The following COL4A6 variants were observed in gnomAD, a reference collection of about 807,000 sequenced individuals.
COL4A6 encodes the protein collagen type IV alpha 6 chain, also known as collagen alpha-6(IV) chain.
In COL4A6, 59 loss-of-function variants were observed where a neutral mutation model predicts 126.7. That is an observed-to-expected ratio of 0.47 (90% CI 0.38 to 0.58). The LOEUF (loss-of-function observed/expected upper bound fraction) is 0.58, where lower values mean the gene tolerates loss of function less well. Among genes scored for constraint, COL4A6 ranks in the 20% least tolerant of loss-of-function variants. COL4A6 has a pLI of 0.00. For missense variants in COL4A6, 1,285 were observed against 1,337.3 expected, an observed-to-expected ratio of 0.96 and a Z score of 0.61; for synonymous variants, 547 against 496.6, an observed-to-expected ratio of 1.10 and a Z score of -1.35.
At chrX:108,310,654 A>G (rs2038739008) in intron 3 of COL4A6, 94 bp downstream of exon 3, 7 of 780,904 alleles carry the variant, frequency 9.0e-6, no homozygotes, top group Middle Eastern at 5.8e-4. Context: ...CCATGAGGTC[A>G]TAAGAGTAAA....
chrX:108,195,861 C>T (rs1434520367), intron 14 of COL4A6, among the ~76,000 whole-genome samples: 1 of 111,253 alleles, frequency 9.0e-6, no homozygotes, highest in African/African-American at 3.3e-5. Context: ...ATAAGTATGG[C>T]TGAATACTCA....
chrX:108,397,847 T>C (rs770219241), intron 2 of COL4A6, among the ~76,000 whole-genome samples: 26 of 111,842 alleles, frequency 2.3e-4, no homozygotes, highest in East Asian at 2.3e-3. Flanking sequence ...AGGAATTCCA[T>C]TGAAGTCTGG....
intron 3 of COL4A6, among the ~76,000 whole-genome samples, chrX:108,256,940 C>A (rs1202143334): frequency 9.0e-6 from 1 of 111,294 alleles, no homozygotes; most frequent in Non-Finnish European, 1.9e-5. Flanking sequence ...AGCATGGATA[C>A]ATCTAATAGC....
intron 2 of COL4A6, among the ~76,000 whole-genome samples, chrX:108,347,817 C>T (rs1026514047): frequency 3.6e-5 from 4 of 109,738 alleles, no homozygotes; most frequent in Non-Finnish European, 5.7e-5. Context: ...GATGGATGGC[C>T]CCAGGACACC....
chrX:108,289,192 C>A (rs2038091029), intron 3 of COL4A6, among the ~76,000 whole-genome samples: 1 of 109,797 alleles, frequency 9.1e-6, no homozygotes, highest in Non-Finnish European at 1.9e-5. Context: ...ACTACAGACT[C>A]TAAACCTGTA....
chrX:108,188,647 C>A lies in COL4A6; in HGVS notation c.1457G>T (p.Gly486Val), dbSNP rs150087421. The A allele has an allele frequency of 4.1e-5, 48 of 1,176,640 alleles. No individual in the cohort carries two copies. In the East Asian group the frequency reaches 1.4e-3, roughly 35 times the overall value. The change falls in exon 21 of 45, where the codon GGT becomes GTT. Residue 486 changes from glycine to valine, a missense_variant. By Grantham distance (109) the Gly-to-Val change is moderately radical. Transcript: ENST00000334504. ...CCCGGGTGGTCCAGTGTTGGGAACA[C>A]CACCGTCACAAGCACAGAAACCTGA... ...GDSGFCACDG[G>V]VPNTGPPGEP...
At chrX:108,187,329 T>C in intron 22 of COL4A6, 50 bp from the exon 23 acceptor site, 1 of 1,006,891 alleles carries the variant, frequency 9.9e-7, no homozygotes, top group Non-Finnish European at 1.3e-6. Flanking sequence ...GAGATTTATC[T>C]GGACAGTCCT....
At chrX:108,201,944 G>T (rs1035513313) in intron 13 of COL4A6, among the ~76,000 whole-genome samples, 7 of 111,879 alleles carry the variant, frequency 6.3e-5, no homozygotes, top group African/African-American at 1.9e-4. Context: ...AGGTAGCCAA[G>T]ATCTGGTTCC....
chrX:108,319,174 C>T (rs904305343), intron 2 of COL4A6, among the ~76,000 whole-genome samples: 3 of 111,723 alleles, frequency 2.7e-5, no homozygotes, highest in African/African-American at 9.8e-5. Flanking sequence ...CCGAGGAGTT[C>T]GAGACCAGCC....
At chrX:108,292,679 A>G (rs1403050844) in intron 3 of COL4A6, among the ~76,000 whole-genome samples, 2 of 111,223 alleles carry the variant, frequency 1.8e-5, no homozygotes, top group Non-Finnish European at 3.8e-5. Context: ...TGTGTACAAC[A>G]GCAAGAGAAA....
At position 108,178,775 on chromosome X, in the gene COL4A6, C is replaced by A. The variant is rs764617037; in HGVS notation, c.2424G>T (p.Val808=). The change falls in exon 27 of 45, where the codon GTG becomes GTT. Residue 808 remains valine (V), a synonymous_variant. Coordinates refer to ENST00000334504, the MANE Select transcript of COL4A6 (RefSeq NM_033641.4). ...ERGSPGTPGQ[V]GQPGTPGSSG... ...TAGATCCTGGGGTGCCTGGCTGTCC[C>A]ACCTGTCCTGGTGTCCCAGGGCTGC... 2 of 1,211,867 alleles carry A rather than the reference C, an allele frequency of 1.7e-6. No individual in the cohort carries two copies. Among genetic ancestry groups the A allele is most frequent in the Non-Finnish European group, 2.2e-6 (2 of 895,491 alleles).
At chrX:108,203,905 A>G (rs1438550006) in intron 12 of COL4A6, among the ~76,000 whole-genome samples, 2 of 112,261 alleles carry the variant, frequency 1.8e-5, no homozygotes, top group Non-Finnish European at 3.8e-5. Flanking sequence ...CTTTAAAAAG[A>G]TAATTCAAGA....
intron 2 of COL4A6, among the ~76,000 whole-genome samples, chrX:108,346,394 G>T (rs759006202): frequency 9.0e-6 from 1 of 110,751 alleles, no homozygotes; most frequent in Non-Finnish European, 1.9e-5. Context: ...AAAAAATACC[G>T]CCTTTCACAA....
chrX:108,301,449 G>C (rs774288802), intron 3 of COL4A6, among the ~76,000 whole-genome samples: 2 of 111,599 alleles, frequency 1.8e-5, no homozygotes, highest in South Asian at 7.5e-4. Context: ...GAGGACGAAG[G>C]GCAATTGATT....
At chrX:108,403,246 CT>C (rs2041131977) in intron 2 of COL4A6, among the ~76,000 whole-genome samples, 2 of 16,904 alleles carry the variant, frequency 1.2e-4, no homozygotes, top group Non-Finnish European at 3.9e-4. Context: ...CTCTCTCTCT[CT>C]CTCTCTCTCT....
At chrX:108,435,760 A>G (rs1169216732) in intron 2 of COL4A6, among the ~76,000 whole-genome samples, 2 of 112,171 alleles carry the variant, frequency 1.8e-5, no homozygotes, top group African/African-American at 3.2e-5. Flanking sequence ...TAAATGACCC[A>G]ATCTTTAAAT....
At chrX:108,208,597 A>G (rs2035614126) in intron 8 of COL4A6, among the ~76,000 whole-genome samples, 1 of 112,353 alleles carries the variant, frequency 8.9e-6, no homozygotes, top group African/African-American at 3.2e-5. Context: ...TGGGTCAAAG[A>G]AAAAATCATA....
chrX:108,171,052 G>T, intron 33 of COL4A6, 135 bp from the exon 34 acceptor site: 1 of 565,569 alleles, frequency 1.8e-6, no homozygotes, highest in Middle Eastern at 4.0e-4. Flanking sequence ...AGTGGTGGCT[G>T]TTTTCACATT....
chrX:108,156,145 A>T lies in COL4A6; in HGVS notation c.*855T>A, dbSNP rs1324067690. 5.4e-5 allele frequency: 6 copies of T among 111,637 alleles called. No individual in the cohort carries two copies. The highest frequency in any genetic ancestry group is 1.1e-4 in the Non-Finnish European group (6 of 53,116). The allele number at this position is 111,637 out of a possible 1,213,427, so 9.2% of individuals were successfully genotyped here. ...GTGGGATTTACCTTTTTGTTCCTGGAGTCAAAAGCAAAACTCACACATCCT... is the reference window on the plus strand; with the variant it reads ...GTGGGATTTACCTTTTTGTTCCTGGTGTCAAAAGCAAAACTCACACATCCT... On this transcript the variant is annotated 3_prime_UTR_variant, in exon 45 of 45. Transcript: ENST00000334504.
Sources: allele counts gnomAD v4.1 joint callset (sites outside exome capture counted in the v4.1 genomes callset), GRCh38; gene constraint gnomAD v4.1.1; transcripts MANE v1.5; gene names NCBI Gene and HGNC (gene_info 2026-07-23, HGNC 2026-07-21).